EYA1: variants seen among roughly 807,000 people sequenced by gnomAD.
EYA1 encodes the protein protein phosphatase EYA1.
In EYA1, 16 loss-of-function variants were observed where a neutral mutation model predicts 82.0. That is an observed-to-expected ratio of 0.20 (90% CI 0.13 to 0.30). EYA1 has a LOEUF of 0.30. Among genes scored for constraint, EYA1 ranks in the 10% least tolerant of loss-of-function variants. EYA1 has a pLI of 1.00. For missense variants in EYA1, 633 were observed against 730.7 expected (o/e 0.87, Z 1.54); for synonymous variants, 261 against 264.4 (o/e 0.99, Z 0.12).
Position 71,361,725 on chromosome 8 carries a change from T to C in EYA1, c.-133A>G, listed in dbSNP as rs1369826993. 3 of 985,388 alleles carry C rather than the reference T, an allele frequency of 3.0e-6. No homozygotes were observed. The highest frequency in any genetic ancestry group is 3.6e-6 in the Non-Finnish European group (3 of 830,000). 61.0% of individuals were successfully genotyped at this position (985,388 alleles called of 1,614,324 possible). On this transcript the variant is annotated 5_prime_UTR_variant, in exon 1 of 18. The change abolishes an upstream ATG in the 5' untranslated region. Coordinates refer to ENST00000340726, the MANE Select transcript of EYA1 (RefSeq NM_000503.6). ...GGTTAGCAAACCTCCATTCCTGACA[T>C]AGTTTTGCTCCTGGATGGGTACGCG...
chr8:71,395,898 T>A (rs1829576906), intron 2 of EYA1, among the ~76,000 whole-genome samples: 1 of 152,202 alleles, frequency 6.6e-6, no homozygotes, highest in African/African-American at 2.4e-5. Context: ...GTGGTAGAAT[T>A]CGGCTGTGAA....
At chr8:71,474,041 G>T (rs563903339) in intron 2 of EYA1, among the ~76,000 whole-genome samples, 15 of 152,100 alleles carry the variant, frequency 9.9e-5, no homozygotes, top group Non-Finnish European at 1.9e-4. Flanking sequence ...ACATACCGGG[G>T]CCTGTTATTG....
chr8:71,465,207 A>G (rs1043886902), intron 2 of EYA1, among the ~76,000 whole-genome samples: 3 of 152,246 alleles, frequency 2.0e-5, no homozygotes, highest in Non-Finnish European at 4.4e-5. Flanking sequence ...TATTGCCTCT[A>G]TACAATTAAA....
chr8:71,535,519 G>A (rs1021497544), intron 2 of EYA1, among the ~76,000 whole-genome samples: 2 of 152,122 alleles, frequency 1.3e-5, no homozygotes, highest in African/African-American at 2.4e-5. Context: ...GGTTTTTCCA[G>A]TATGACTCTA....
At chr8:71,294,395 G>A (rs1406699191) in intron 9 of EYA1, among the ~76,000 whole-genome samples, 4 of 152,130 alleles carry the variant, frequency 2.6e-5, no homozygotes, top group Non-Finnish European at 5.9e-5. Context: ...GGGGGGCGGA[G>A]CCTGCAGTGA....
At chr8:71,249,571 G>A (rs149764068) in intron 11 of EYA1, among the ~76,000 whole-genome samples, 1 of 152,186 alleles carries the variant, frequency 6.6e-6, no homozygotes, top group Non-Finnish European at 1.5e-5. Flanking sequence ...CATGACACAT[G>A]GGAATTATGG....
At chr8:71,508,832 G>A (rs1398349801) in intron 2 of EYA1, among the ~76,000 whole-genome samples, 2 of 152,108 alleles carry the variant, frequency 1.3e-5, no homozygotes. Flanking sequence ...CAAGACCAGG[G>A]TCATCCAGAG....
intron 12 of EYA1, among the ~76,000 whole-genome samples, chr8:71,242,221 T>TAAAAA (rs747328952): frequency 2.0e-5 from 3 of 151,950 alleles, no homozygotes; most frequent in Non-Finnish European, 4.4e-5. Context: ...TAAAATAAAA[T>TAAAAA]AAAAAATATT....
upstream of EYA1, among the ~76,000 whole-genome samples, chr8:71,365,188 C>T (rs548064199): frequency 5.3e-5 from 8 of 151,298 alleles, no homozygotes; most frequent in Non-Finnish European, 8.8e-5. Flanking sequence ...CAAATAAACA[C>T]GAGAAAACAA....
At chr8:71,346,081 C>T (rs1332687946) in intron 3 of EYA1, among the ~76,000 whole-genome samples, 1 of 152,004 alleles carries the variant, frequency 6.6e-6, no homozygotes, top group South Asian at 2.1e-4. Context: ...CTATAAAGCT[C>T]AAGCTCTCTC....
intron 2 of EYA1, among the ~76,000 whole-genome samples, chr8:71,522,228 C>T (rs970358870): frequency 6.6e-6 from 1 of 152,152 alleles, no homozygotes; most frequent in Non-Finnish European, 1.5e-5. Context: ...CCACCTTGAT[C>T]CTTATAGCCC....
chr8:71,361,515 C>T, intron 1 of EYA1, 132 bp downstream of exon 1: 1 of 300,448 alleles, frequency 3.3e-6, no homozygotes, highest in Non-Finnish European at 4.9e-6. Context: ...TCATAATTTT[C>T]CCCATGCCAT....
chr8:71,425,178 G>T (rs1486977822), intron 2 of EYA1, among the ~76,000 whole-genome samples: 1 of 151,504 alleles, frequency 6.6e-6, no homozygotes, highest in Non-Finnish European at 1.5e-5. Flanking sequence ...AGCTATTCGG[G>T]AGGCTGAGGC....
chr8:71,469,341 G>A (rs1050777050), intron 2 of EYA1, among the ~76,000 whole-genome samples: 4 of 151,968 alleles, frequency 2.6e-5, no homozygotes, highest in African/African-American at 9.7e-5. Flanking sequence ...GCCCTCCTAC[G>A]ACTTACCTAA....
chr8:71,382,671 A>G (rs1453456648), intron 2 of EYA1, among the ~76,000 whole-genome samples: 2 of 152,092 alleles, frequency 1.3e-5, no homozygotes, highest in African/African-American at 4.8e-5. Context: ...TTCTTAAATC[A>G]TTGCACAAAG....
rs73684711 is a variant in EYA1, at chr8:71,202,708, C to T, written c.1699-3288G>A. On this transcript the variant is annotated intron_variant, in intron 17 of 17. Transcript: ENST00000340726. Reference sequence around the variant, plus strand: ...AAAACTGGTAGATTCTGGGGACACTCCACCCACAAGGATAGCAACTCTATC... The same window carrying T: ...AAAACTGGTAGATTCTGGGGACACTTCACCCACAAGGATAGCAACTCTATC... Among the ~76,000 whole-genome samples, 1,053 of 152,292 alleles carry T rather than the reference C, an allele frequency of 6.9e-3. 7 individuals carry two copies. Among genetic ancestry groups the T allele is most frequent in the African/African-American group, 0.024 (1,002 of 41,556 alleles).
intron 2 of EYA1, among the ~76,000 whole-genome samples, chr8:71,522,890 G>A (rs1481693794): frequency 1.3e-5 from 2 of 152,134 alleles, no homozygotes; most frequent in Non-Finnish European, 2.9e-5. Flanking sequence ...GATTACAGGC[G>A]TGGGCCACTG....
chr8:71,342,164 C>A (rs1825208955), intron 3 of EYA1, among the ~76,000 whole-genome samples: 1 of 152,256 alleles, frequency 6.6e-6, no homozygotes, highest in Admixed American at 6.6e-5. Flanking sequence ...CAGACTAACA[C>A]CTAAAACACT....
At chr8:71,445,473 ATT>A (rs1424257370) in intron 2 of EYA1, among the ~76,000 whole-genome samples, 1 of 152,188 alleles carries the variant, frequency 6.6e-6, no homozygotes, top group Non-Finnish European at 1.5e-5. Flanking sequence ...ACAAAATAAC[ATT>A]TTTGTCTGGC....
Sources: gnomAD v4.1 joint callset for allele counts (sites outside exome capture counted in the v4.1 genomes callset) on GRCh38, gnomAD v4.1.1 for gene constraint, MANE v1.5 for transcripts, NCBI Gene and HGNC (gene_info 2026-07-23, HGNC 2026-07-21) for gene names.